Variants in SFMBT2 observed in about 807,000 individuals in gnomAD.
The protein encoded by SFMBT2 is scm-like with four MBT domains protein 2.
A neutral mutation model predicts 110.1 loss-of-function variants in SFMBT2; 38 were observed. That is an observed-to-expected ratio of 0.35 (90% CI 0.27 to 0.45). The LOEUF is 0.45. SFMBT2 is among the 20% of genes least tolerant of loss of function. The pLI is 1.00. For synonymous variants in SFMBT2, 425 were observed against 425.4 expected, an observed-to-expected ratio of 1.00 and a Z score of 0.01; for missense variants, 1,011 against 1,094.9, an observed-to-expected ratio of 0.92 and a Z score of 1.08.
intron 4 of SFMBT2, among the ~76,000 whole-genome samples, chr10:7,311,663 T>C (rs1014015620): frequency 1.1e-4 from 17 of 152,168 alleles, no homozygotes; most frequent in Non-Finnish European, 1.6e-4. Flanking sequence ...AAAGAAAAAT[T>C]TGGTAATAAG....
chr10:7,180,295 A>ATTTTTTTTTTTTTTTTTTTTTTTTTTTT, intron 16 of SFMBT2, among the ~76,000 whole-genome samples: 1 of 143,746 alleles, frequency 7.0e-6, no homozygotes, highest in Admixed American at 6.9e-5. Context: ...TATAGTGGTA[A>ATTTTTTTTTTTTTTTTTTTTTTTTTTTT]TTTTTTTTTT....
At chr10:7,269,860 T>A (rs1210855604) in intron 7 of SFMBT2, among the ~76,000 whole-genome samples, 4 of 150,302 alleles carry the variant, frequency 2.7e-5, no homozygotes, top group African/African-American at 9.8e-5. Flanking sequence ...AAGCAACTGC[T>A]AAGACAGTTG....
chr10:7,219,510 C>T (rs1198303487), intron 11 of SFMBT2: 1 of 153,446 alleles, frequency 6.5e-6, no homozygotes, highest in African/African-American at 2.4e-5. Context: ...TTTATAGATG[C>T]ATAGTGAGGA....
At chr10:7,375,513 G>A (rs184542224) in intron 2 of SFMBT2, among the ~76,000 whole-genome samples, 1 of 149,982 alleles carries the variant, frequency 6.7e-6, no homozygotes, top group East Asian at 1.9e-4. Context: ...CTTTCTTCTT[G>A]TAAATACTGA....
intron 2 of SFMBT2, among the ~76,000 whole-genome samples, chr10:7,374,970 T>C (rs1204259616): frequency 6.6e-6 from 1 of 152,162 alleles, no homozygotes; most frequent in Non-Finnish European, 1.5e-5. Context: ...AGAGCAAATA[T>C]TTATAGCTGA....
At chr10:7,177,389 G>T (rs1838098405) in intron 16 of SFMBT2, among the ~76,000 whole-genome samples, 2 of 152,090 alleles carry the variant, frequency 1.3e-5, no homozygotes, top group African/African-American at 4.8e-5. Flanking sequence ...CTAACTGAGG[G>T]GCCTCACATA....
rs866602107 is a variant in SFMBT2, at chr10:7,265,624, T to C, written c.870+11268A>G. Among the ~76,000 whole-genome samples, 144 of 152,322 alleles carry C rather than the reference T, an allele frequency of 9.5e-4. 2 individuals carry two copies. Among genetic ancestry groups the C allele is most frequent in the African/African-American group, 3.4e-3 (141 of 41,566 alleles). ...ACTGAGCTGGGGTATTTTTAGTTGA[T>C]TACAAAAGTGCCATCCTTAGTTGTA... On this transcript the variant is annotated intron_variant, in intron 7 of 20. Transcript: ENST00000397167.
At chr10:7,389,502 G>A (rs1041015776) in intron 1 of SFMBT2, among the ~76,000 whole-genome samples, 1 of 152,068 alleles carries the variant, frequency 6.6e-6, no homozygotes, top group Non-Finnish European at 1.5e-5. Context: ...GCTTATAAAA[G>A]GTAACTTCCT....
chr10:7,233,119 T>C (rs1002688007), intron 9 of SFMBT2, among the ~76,000 whole-genome samples: 5 of 152,104 alleles, frequency 3.3e-5, no homozygotes, highest in Non-Finnish European at 7.4e-5. Flanking sequence ...ACAATCTTAA[T>C]AAAAAATAAA....
chr10:7,180,483 A>T (rs1291590667), intron 16 of SFMBT2, among the ~76,000 whole-genome samples: 2 of 152,156 alleles, frequency 1.3e-5, no homozygotes, highest in Middle Eastern at 3.4e-3. Context: ...TGCCCTTCCC[A>T]GAAGGGCCCC....
intron 10 of SFMBT2, among the ~76,000 whole-genome samples, chr10:7,224,212 A>AT (rs1225284964): frequency 6.6e-6 from 1 of 152,144 alleles, no homozygotes; most frequent in Admixed American, 6.5e-5. Context: ...TTTCTATTTT[A>AT]TCAAGCTATC....
At position 7,281,849 on chromosome 10, in the gene SFMBT2, T is replaced by G. The variant is rs533229378; in HGVS notation, c.772+2055A>C. Among the ~76,000 whole-genome samples the G allele has an allele frequency of 4.9e-4, 74 of 152,294 alleles. 1 individual carries two copies. Among genetic ancestry groups the G allele is most frequent in the East Asian group, 1.5e-3 (8 of 5,184 alleles). ...ATGAATGTCTTTTCCAGAATCTTTT[T>G]TTTGTTTGTTTGTTTTCACAGAGTC... On this transcript the variant is annotated intron_variant, in intron 6 of 20. Coordinates refer to ENST00000397167, the MANE Select transcript of SFMBT2 (RefSeq NM_001387889.1).
At chr10:7,270,450 A>G (rs1841546386) in intron 7 of SFMBT2, among the ~76,000 whole-genome samples, 2 of 152,222 alleles carry the variant, frequency 1.3e-5, no homozygotes, top group Non-Finnish European at 2.9e-5. Flanking sequence ...TCCAAATTAA[A>G]CGTGTAGATT....
intron 4 of SFMBT2, chr10:7,329,657 A>C: frequency 3.7e-6 from 1 of 268,972 alleles, no homozygotes; most frequent in Non-Finnish European, 5.7e-6. Context: ...CTGCTCCACA[A>C]TAACCGGGGC....
intron 4 of SFMBT2, among the ~76,000 whole-genome samples, chr10:7,332,326 G>A (rs1843586233): frequency 6.6e-6 from 1 of 152,224 alleles, no homozygotes; most frequent in South Asian, 2.1e-4. Flanking sequence ...CTACGAATGT[G>A]TGTTAATAAG....
At chr10:7,350,782 C>T (rs1777703184) in intron 4 of SFMBT2, among the ~76,000 whole-genome samples, 1 of 152,172 alleles carries the variant, frequency 6.6e-6, no homozygotes, top group African/African-American at 2.4e-5. Context: ...GTGCAAATCC[C>T]CCTGAGGTTA....
chr10:7,201,438 C>T (rs1000957343), intron 13 of SFMBT2, among the ~76,000 whole-genome samples: 3 of 152,102 alleles, frequency 2.0e-5, no homozygotes, highest in Non-Finnish European at 2.9e-5. Context: ...CGGTCACAGG[C>T]GTGTTATGAA....
intron 7 of SFMBT2, among the ~76,000 whole-genome samples, chr10:7,261,542 G>T (rs1384107811): frequency 6.6e-6 from 1 of 152,196 alleles, no homozygotes; most frequent in East Asian, 1.9e-4. Context: ...CCGGGTGGGG[G>T]TTACGTATGC....
At chr10:7,338,320 T>C (rs964839835) in intron 4 of SFMBT2, among the ~76,000 whole-genome samples, 3 of 152,222 alleles carry the variant, frequency 2.0e-5, no homozygotes, top group Non-Finnish European at 2.9e-5. Flanking sequence ...AATTCTAGTT[T>C]TTCCACTGAA....
Sources: allele counts gnomAD v4.1 joint callset (sites outside exome capture counted in the v4.1 genomes callset), GRCh38; gene constraint gnomAD v4.1.1; transcripts MANE v1.5; gene names NCBI Gene and HGNC (gene_info 2026-07-23, HGNC 2026-07-21).